The following ZNF853 variants were observed in gnomAD, a reference collection of about 807,000 sequenced individuals.
The protein encoded by ZNF853 is zinc finger protein 853.
ZNF853 carries 57 observed loss-of-function variants against 94.7 expected under a neutral mutation model. That is an observed-to-expected ratio of 0.60 (90% CI 0.49 to 0.75). ZNF853 has a LOEUF of 0.75. Among genes scored for constraint, ZNF853 ranks in the 30% least tolerant of loss-of-function variants. The probability of loss-of-function intolerance (pLI) is 0.00; values close to 1 mark genes in which losing one functional copy is unlikely to be tolerated. For missense variants in ZNF853, 785 were observed against 868.9 expected, an observed-to-expected ratio of 0.90 and a Z score of 1.21; for synonymous variants, 448 against 406.3, an observed-to-expected ratio of 1.10 and a Z score of -1.23.
At position 6,622,980 on chromosome 7, in the gene ZNF853, A is replaced by C. The variant is rs1202679969; in HGVS notation, c.*9A>C. On this transcript the variant is annotated 3_prime_UTR_variant, in exon 3 of 3. Transcript: ENST00000457543. ...CAGACAAGGCGCTGTGAGGGCCGTGATCGGGGCTGCCTGGCCGGGAGGGGA... is the reference window on the plus strand; with the variant it reads ...CAGACAAGGCGCTGTGAGGGCCGTGCTCGGGGCTGCCTGGCCGGGAGGGGA... 3.2e-6 allele frequency: 4 copies of C among 1,247,120 alleles called. No homozygotes were observed. The highest frequency in any genetic ancestry group is 8.4e-5 in the Admixed American group (2 of 23,760). The allele number at this position is 1,247,120 out of a possible 1,614,324, so 77.3% of individuals were successfully genotyped here.
At chr7:6,618,772 A>AATTG in intron 2 of ZNF853, among the ~76,000 whole-genome samples, 1 of 152,276 alleles carries the variant, frequency 6.6e-6, no homozygotes, top group Admixed American at 6.5e-5. Context: ...GCCTGTGGTC[A>AATTG]AGACTGTGCC....
At position 6,617,318 on chromosome 7, in the gene ZNF853, C is replaced by A; in HGVS notation, c.130+11C>A. On this transcript the variant is annotated intron_variant, in intron 2 of 2. Coordinates refer to ENST00000457543, the MANE Select transcript of ZNF853 (RefSeq NM_017560.3). Reference sequence around the variant, plus strand: ...CTGACACCCTCTCAGGTGAGGGCCTCGGGGGATCCCTTGACAGAGCCTCAT... The same window carrying A: ...CTGACACCCTCTCAGGTGAGGGCCTAGGGGGATCCCTTGACAGAGCCTCAT... 6.9e-7 allele frequency: 1 copy of A among 1,441,566 alleles called. No homozygotes were observed. 89.3% of individuals were successfully genotyped at this position (1,441,566 alleles called of 1,614,324 possible). A position where few individuals can be genotyped will look rare whatever the true frequency, so the allele number is the denominator to read the frequency against.
chr7:6,620,090 G>T, intron 2 of ZNF853, among the ~76,000 whole-genome samples: 1 of 152,130 alleles, frequency 6.6e-6, no homozygotes, highest in Non-Finnish European at 1.5e-5. Context: ...TAAGCAGATG[G>T]TGTGGGTATC....
intron 1 of ZNF853, 91 bp downstream of exon 1, chr7:6,616,277 GGA>G: frequency 7.4e-7 from 1 of 1,342,356 alleles, no homozygotes; most frequent in Admixed American, 2.1e-5. Context: ...CCTGTTTAGG[GGA>G]GAGGGGCCAG....
At chr7:6,617,438 G>C in intron 2 of ZNF853, 131 bp downstream of exon 2, 1 of 930,364 alleles carries the variant, frequency 1.1e-6, no homozygotes, top group Non-Finnish European at 1.5e-6. Flanking sequence ...AACACCAGCA[G>C]CTCTCCCTTG....
intron 2 of ZNF853, chr7:6,617,656 G>C (rs188215137): frequency 7.1e-6 from 7 of 985,256 alleles, no homozygotes; most frequent in African/African-American, 1.7e-5. Context: ...TCCCGGATCC[G>C]ATTCAGGTAC....
intron 1 of ZNF853, among the ~76,000 whole-genome samples, chr7:6,616,781 C>T: frequency 2.0e-5 from 3 of 151,726 alleles, no homozygotes; most frequent in Non-Finnish European, 2.9e-5. Context: ...TTGAAGGAGG[C>T]AGGGAGGATG....
At position 6,617,297 on chromosome 7, in the gene ZNF853, C is replaced by T. The variant is rs375985939; in HGVS notation, c.120C>T (p.Asp40=). The T allele has an allele frequency of 7.1e-5, 106 of 1,490,946 alleles. No homozygotes were observed. Among genetic ancestry groups the T allele is most frequent in the Non-Finnish European group, 9.3e-5 (104 of 1,114,064 alleles). 92.4% of individuals were successfully genotyped at this position (1,490,946 alleles called of 1,614,324 possible). A position where few individuals can be genotyped will look rare whatever the true frequency, so the allele number is the denominator to read the frequency against. Reference sequence around the variant, plus strand: ...TTGAGGATGGGGGCCCAGGGCCTGACACCCTCTCAGGTGAGGGCCTCGGGG... The same window carrying T: ...TTGAGGATGGGGGCCCAGGGCCTGATACCCTCTCAGGTGAGGGCCTCGGGG... ...QCLEDGGPGP[D]TLSGGSGGSE... Residue 40 remains aspartate (D), a synonymous_variant, in exon 2 of 3, where the codon GAC becomes GAT. Transcript: ENST00000457543.
In ZNF853 at chr7:6,623,879, C is replaced by G. The variant is rs1329732805; in HGVS notation, c.*908C>G. On this transcript the variant is annotated 3_prime_UTR_variant, in exon 3 of 3. Transcript: ENST00000457543. ...CCACCAGCTTCATGCTTCTCAGATG[C>G]TACCCAGGGGCCGGCCCGGGGAGAC... 1 of 152,438 alleles carries G rather than the reference C, an allele frequency of 6.6e-6. No homozygotes were observed. Among genetic ancestry groups the G allele is most frequent in the Non-Finnish European group, 1.5e-5 (1 of 68,186 alleles). 9.4% of individuals were successfully genotyped at this position (152,438 alleles called of 1,614,324 possible).
rs1295582767 is a variant in ZNF853 at position 6,617,282 on chromosome 7, G to A, written c.105G>A (p.Gly35=). The part of the protein sequence containing the change: ...FVLELQCLED[G]GPGPDTLSGG... ...TGGAACTTCAATGTCTTGAGGATGG[G>A]GGCCCAGGGCCTGACACCCTCTCAG... Residue 35 remains glycine (G), a synonymous_variant, in exon 2 of 3, where the codon GGG becomes GGA. Coordinates refer to ENST00000457543, the MANE Select transcript of ZNF853 (RefSeq NM_017560.3). The A allele has an allele frequency of 2.0e-6, 3 of 1,503,948 alleles. No homozygotes were observed. The highest frequency in any genetic ancestry group is 2.7e-6 in the Non-Finnish European group (3 of 1,120,620). 93.2% of individuals were successfully genotyped at this position (1,503,948 alleles called of 1,614,324 possible). A position where few individuals can be genotyped will look rare whatever the true frequency, so the allele number is the denominator to read the frequency against.
Position 6,615,705 on chromosome 7 carries a change from C to A in ZNF853, c.-470C>A, listed in dbSNP as rs1338972315. 2.8e-5 allele frequency: 4 copies of A among 144,956 alleles called. No individual in the cohort carries two copies. 9.0% of individuals were successfully genotyped at this position (144,956 alleles called of 1,614,324 possible). ...CTTGCCGCGGCGCCCGCCCCGCCCC[C>A]GCCCCGGCCCCCGCGCGGCCCGGCC... On this transcript the variant is annotated 5_prime_UTR_variant, in exon 1 of 3. Coordinates refer to ENST00000457543, the MANE Select transcript of ZNF853 (RefSeq NM_017560.3). The surrounding 1 kb of genome is among the most constrained non-coding windows in gnomAD (Gnocchi z 8.5).
intron 2 of ZNF853, among the ~76,000 whole-genome samples, chr7:6,620,561 A>ACTTT: frequency 2.1e-5 from 2 of 95,990 alleles, no homozygotes; most frequent in East Asian, 8.3e-4. Context: ...TTGGCCACCT[A>ACTTT]CCTTCCTTCC....
Position 6,617,295 on chromosome 7 carries a change from G to A in ZNF853, c.118G>A (p.Asp40Asn), listed in dbSNP as rs1215784761. ...TCTTGAGGATGGGGGCCCAGGGCCT[G>A]ACACCCTCTCAGGTGAGGGCCTCGG... ...QCLEDGGPGPDTLSGGSGGSE... is the reference protein window; with the variant it reads ...QCLEDGGPGPNTLSGGSGGSE... The change falls in exon 2 of 3, where the codon GAC becomes AAC. Residue 40 changes from aspartate to asparagine, a missense_variant. Transcript: ENST00000457543. The A allele has an allele frequency of 1.3e-5, 20 of 1,492,476 alleles. No homozygotes were observed. The highest frequency in any genetic ancestry group is 4.5e-6 in the Non-Finnish European group (5 of 1,114,818). 92.5% of individuals were successfully genotyped at this position (1,492,476 alleles called of 1,614,324 possible).
In ZNF853 at chr7:6,615,640, C is replaced by G. The variant is rs1782481669; in HGVS notation, c.-535C>G. 1.4e-5 allele frequency: 2 copies of G among 145,354 alleles called. No homozygotes were observed. Among genetic ancestry groups the G allele is most frequent in the South Asian group, 3.9e-4 (2 of 5,064 alleles). The allele number at this position is 145,354 out of a possible 1,614,324, so 9.0% of individuals were successfully genotyped here. On this transcript the variant is annotated 5_prime_UTR_variant, in exon 1 of 3. Transcript: ENST00000457543. The surrounding 1 kb of genome is among the most constrained non-coding windows in gnomAD (Gnocchi z 8.5). The stretch of plus-strand genomic sequence containing the variant: ...CGGCCCGGCCAGCGGCCCGCACGGA[C>G]GCACTCCCGGGCGGGCGGGCGAGCC...
In ZNF853 at chr7:6,615,705, C is replaced by T. The variant is rs1338972315; in HGVS notation, c.-470C>T. 2 of 144,958 alleles carry T rather than the reference C, an allele frequency of 1.4e-5. No homozygotes were observed. The highest frequency in any genetic ancestry group is 6.8e-5 in the Admixed American group (1 of 14,658). The allele number at this position is 144,958 out of a possible 1,614,324, so 9.0% of individuals were successfully genotyped here. ...CTTGCCGCGGCGCCCGCCCCGCCCC[C>T]GCCCCGGCCCCCGCGCGGCCCGGCC... On this transcript the variant is annotated 5_prime_UTR_variant, in exon 1 of 3. Transcript: ENST00000457543. The surrounding 1 kb of genome is among the most constrained non-coding windows in gnomAD (Gnocchi z 8.5).
Position 6,622,044 on chromosome 7 carries a change from G to T in ZNF853, c.1053G>T (p.Gln351His). Residue 351 changes from glutamine to histidine, a missense_variant, in exon 3 of 3, where the codon CAG (glutamine) becomes CAT (histidine). Transcript: ENST00000457543. ...AGCGGCAGCAGGAGCTGGAACGGCA[G>T]CAGGAGCAGCGGCAGCTGCAGCTCA... ...ELERQQELER[Q>H]QEQRQLQLKL... is the part of the protein sequence containing the mutation. The T allele has an allele frequency of 6.5e-7, 1 of 1,548,324 alleles. No individual in the cohort carries two copies.
At chr7:6,617,801 G>C in intron 2 of ZNF853, 1 of 251,754 alleles carries the variant, frequency 4.0e-6, no homozygotes, top group Non-Finnish European at 6.3e-6. Flanking sequence ...GATGCCCAGG[G>C]GCAGATGTGG....
chr7:6,622,442 C>A lies in ZNF853; in HGVS notation c.1451C>A (p.Pro484Gln), dbSNP rs1260512552. The A allele has an allele frequency of 2.6e-5, 38 of 1,481,744 alleles. No homozygotes were observed. Among genetic ancestry groups the A allele is most frequent in the Non-Finnish European group, 3.2e-5 (36 of 1,123,048 alleles). 91.8% of individuals were successfully genotyped at this position (1,481,744 alleles called of 1,614,324 possible). A position where few individuals can be genotyped will look rare whatever the true frequency, so the allele number is the denominator to read the frequency against. Reference sequence around the variant, plus strand: ...CGGCGGCGGCGCGCTCGGGACCGGCCGACCATCTGCGGGGAGTGCGGCAAG... The same window carrying A: ...CGGCGGCGGCGCGCTCGGGACCGGCAGACCATCTGCGGGGAGTGCGGCAAG... ...QRRRRRARDR[P>Q]TICGECGKGF... Residue 484 changes from proline (P) to glutamine (Q), a missense_variant, in exon 3 of 3, where the codon CCG becomes CAG. By Grantham distance (76) the Pro-to-Gln change is moderately conservative (BLOSUM62 -1). Coordinates refer to ENST00000457543, the MANE Select transcript of ZNF853 (RefSeq NM_017560.3).
At chr7:6,618,948 G>A in intron 2 of ZNF853, among the ~76,000 whole-genome samples, 5 of 151,672 alleles carry the variant, frequency 3.3e-5, no homozygotes, top group African/African-American at 9.7e-5. Flanking sequence ...TGAAAAGCAC[G>A]CTCACGGATC....
Sources: gnomAD v4.1 joint callset for allele counts (sites outside exome capture counted in the v4.1 genomes callset) on GRCh38, gnomAD v4.1.1 for gene constraint, Gnocchi (gnomAD v3.1) non-coding constraint, MANE v1.5 for transcripts, NCBI Gene and HGNC (gene_info 2026-07-23, HGNC 2026-07-21) for gene names.